The following DNAH5 variants were observed in gnomAD, a reference collection of about 807,000 sequenced individuals.
DNAH5 encodes axonemal beta dynein heavy chain 5.
In DNAH5, 372 loss-of-function variants were observed where a neutral mutation model predicts 518.2. The ratio of observed to expected loss-of-function variants is 0.72; its 90% CI spans 0.66 to 0.78. DNAH5 has a LOEUF of 0.78. Among genes scored for constraint, DNAH5 ranks in the 30% least tolerant of loss-of-function variants. The pLI is 0.00. For synonymous variants in DNAH5, 2,039 were observed against 2,025.9 expected (o/e 1.01, Z -0.17); for missense variants, 5,523 against 5,687.0 (o/e 0.97, Z 0.93).
chr5:13,847,566 T>A (rs1053435100), intron 31 of DNAH5, among the ~76,000 whole-genome samples: 4 of 53,870 alleles, frequency 7.4e-5, no homozygotes, highest in Admixed American at 2.4e-4. Flanking sequence ...CTAAAAAAAA[T>A]GCCAAAAAAT....
In DNAH5 at chr5:13,871,205, C is replaced by T. The variant is rs1445809; in HGVS notation, c.3599-203G>A. ...AAAGTTTGTTTTTACAACAACTCAA[C>T]ACACATTTCAAAATGTTTTTTTAAA... On this transcript the variant is annotated intron_variant, in intron 23 of 78. Transcript: ENST00000265104. Among the ~76,000 whole-genome samples the T allele has an allele frequency of 0.82, 125,202 of 152,158 alleles. 51,822 individuals carry two copies. Among genetic ancestry groups the T allele is most frequent in the East Asian group, 0.88 (4,552 of 5,186 alleles).
Position 13,916,173 on chromosome 5 carries a change from C to G in DNAH5, c.1197+175G>C, listed in dbSNP as rs16902948. ...TTGGGAAATAATGCTTTATGATTTG[C>G]TAGAATCAGCCTCTGACATCAATTT... On this transcript the variant is annotated intron_variant, in intron 9 of 78. Transcript: ENST00000265104. 0.027 allele frequency among the ~76,000 whole-genome samples: 4,168 copies of G among 151,654 alleles called. 150 individuals carry two copies. The highest frequency in any genetic ancestry group is 0.095 in the East Asian group (491 of 5,174).
At chr5:13,881,128 A>G (rs1466504558) in intron 21 of DNAH5, among the ~76,000 whole-genome samples, 1 of 152,044 alleles carries the variant, frequency 6.6e-6, no homozygotes, top group East Asian at 1.9e-4. Flanking sequence ...TACACCCAAC[A>G]TTGGAGCATA....
At position 13,793,959 on chromosome 5, in the gene DNAH5, T is replaced by C. The variant is rs113576049; in HGVS notation, c.7987A>G (p.Ile2663Val). The change falls in exon 48 of 79, where the codon ATA becomes GTA. Residue 2663 changes from isoleucine to valine, a missense_variant. This residue lies in a region of DNAH5 where 5,121 missense variants were observed against 5,223.3 expected (regional missense o/e 0.98). Coordinates refer to ENST00000265104, the MANE Select transcript of DNAH5 (RefSeq NM_001369.3). ...TVFIDDVNMP[I>V]INEWGDQVTN... ...ACCTGATCTCCCCACTCATTGATTATTGGCATATTCACATCATCAATAAAA... is the reference window on the plus strand; with the variant it reads ...ACCTGATCTCCCCACTCATTGATTACTGGCATATTCACATCATCAATAAAA... 4.2e-5 allele frequency: 67 copies of C among 1,614,010 alleles called. No homozygotes were observed. Among genetic ancestry groups the C allele is most frequent in the Middle Eastern group, 3.3e-4 (2 of 6,082 alleles).
intron 40 of DNAH5, among the ~76,000 whole-genome samples, chr5:13,821,383 C>T (rs1312564477): frequency 6.6e-6 from 1 of 150,982 alleles, no homozygotes; most frequent in Non-Finnish European, 1.5e-5. Context: ...GAGTTTCTAT[C>T]TATCAAGGCA....
At chr5:14,006,208 G>A (rs1784715766) in intron 1 of DNAH5, among the ~76,000 whole-genome samples, 1 of 152,170 alleles carries the variant, frequency 6.6e-6, no homozygotes, top group Non-Finnish European at 1.5e-5. Flanking sequence ...TGCCCTTGAG[G>A]CAACCTTGAG....
chr5:13,710,109 C>T (rs895681611), intron 75 of DNAH5, among the ~76,000 whole-genome samples: 6 of 152,034 alleles, frequency 3.9e-5, no homozygotes, highest in East Asian at 1.9e-4. Flanking sequence ...TCTGCAGCTG[C>T]GAGACCCACA....
chr5:13,827,160 G>A (rs552723552), intron 38 of DNAH5, among the ~76,000 whole-genome samples: 13 of 152,164 alleles, frequency 8.5e-5, no homozygotes, highest in South Asian at 2.1e-4. Flanking sequence ...ATTTCTAAGC[G>A]GCAAAGCTTT....
At chr5:13,780,203 G>A (rs1031234479) in intron 53 of DNAH5, among the ~76,000 whole-genome samples, 4 of 152,194 alleles carry the variant, frequency 2.6e-5, no homozygotes, top group African/African-American at 9.7e-5. Flanking sequence ...TCTCCAGGAA[G>A]TCTTTTCTAA....
intron 3 of DNAH5, among the ~76,000 whole-genome samples, chr5:13,927,566 T>A (rs1778016899): frequency 6.6e-6 from 1 of 152,058 alleles, no homozygotes; most frequent in South Asian, 2.1e-4. Flanking sequence ...TTTTCATAAA[T>A]GAGAATGATG....
Position 13,823,971 on chromosome 5 carries a change from A to T in DNAH5, c.6579+228T>A, listed in dbSNP as rs6554818. The stretch of plus-strand genomic sequence containing the variant: ...TGGCATCTTAACATGTGTATTTTTT[A>T]AAATCCACTGCAATTCTATTGGAAT... On this transcript the variant is annotated intron_variant, in intron 39 of 78. Coordinates refer to ENST00000265104, the MANE Select transcript of DNAH5 (RefSeq NM_001369.3). 0.41 allele frequency among the ~76,000 whole-genome samples: 62,707 copies of T among 152,014 alleles called. 13,261 individuals carry two copies. The highest frequency in any genetic ancestry group is 0.61 in the East Asian group (3,158 of 5,168).
In DNAH5 at chr5:13,828,812, C is replaced by T. The variant is rs929725298; in HGVS notation, c.6444+698G>A. Among the ~76,000 whole-genome samples, 7 of 152,274 alleles carry T rather than the reference C, an allele frequency of 4.6e-5. No homozygotes were observed. In the East Asian group the frequency reaches 7.7e-4, roughly 17 times the overall value. ...AGCTCAGAAGTAGATTGTCCCCATT[C>T]GAGCATCAGATGAAACCACAGCCCC... is the stretch of plus-strand genomic sequence containing the variant. On this transcript the variant is annotated intron_variant, in intron 38 of 78. Coordinates refer to ENST00000265104, the MANE Select transcript of DNAH5 (RefSeq NM_001369.3).
Position 13,752,252 on chromosome 5 carries a change from A to T in DNAH5, c.10910T>A (p.Leu3637Gln), listed in dbSNP as rs1750341802. Residue 3637 changes from leucine to glutamine, a missense_variant, in exon 64 of 79, where the codon CTG (leucine) becomes CAG (glutamine). Leu to Gln is a moderately radical substitution (Grantham distance 113, BLOSUM62 -2). Around this residue, in one of 3 missense-constraint regions of DNAH5, gnomAD observed 5,121 missense variants for 5,223.3 expected, o/e 0.98. Coordinates refer to ENST00000265104, the MANE Select transcript of DNAH5 (RefSeq NM_001369.3). Reference sequence around the variant, plus strand: ...CCTTCCAAGAGAAAGGCTGTCTTCCAGGTGGTTTCTGAAGTACTTGTGATT... The same window carrying T: ...CCTTCCAAGAGAAAGGCTGTCTTCCTGGTGGTTTCTGAAGTACTTGTGATT... ...SLNHKYFRNH[L>Q]EDSLSLGRPL... is the part of the protein sequence containing the mutation. 1 of 1,614,056 alleles carries T rather than the reference A, an allele frequency of 6.2e-7. No individual in the cohort carries two copies. The highest frequency in any genetic ancestry group is 8.5e-7 in the Non-Finnish European group (1 of 1,179,956).
intron 70 of DNAH5, among the ~76,000 whole-genome samples, chr5:13,725,666 T>G (rs1033664756): frequency 6.6e-5 from 10 of 152,180 alleles, no homozygotes; most frequent in Admixed American, 2.0e-4. Flanking sequence ...GTTGAGTATT[T>G]TTTTTTTGAG....
intron 47 of DNAH5, among the ~76,000 whole-genome samples, chr5:13,806,747 A>T (rs1454940971): frequency 6.6e-6 from 1 of 152,226 alleles, no homozygotes; most frequent in Non-Finnish European, 1.5e-5. Context: ...GACCAGGAGA[A>T]AAAGAACTAT....
At position 13,944,477 on chromosome 5, in the gene DNAH5, G is replaced by A. The variant is rs779940517; in HGVS notation, c.-39C>T. The A allele has an allele frequency of 6.3e-7, 1 of 1,596,732 alleles. No homozygotes were observed. The highest frequency in any genetic ancestry group is 1.7e-5 in the Admixed American group (1 of 59,902). ...GGACAGGCTGGAGTCAGCTCTTCCGGAATGGTCTTCTAACTCCTGGCAGAC... is the reference window on the plus strand; with the variant it reads ...GGACAGGCTGGAGTCAGCTCTTCCGAAATGGTCTTCTAACTCCTGGCAGAC... On this transcript the variant is annotated 5_prime_UTR_variant, in exon 1 of 79. Transcript: ENST00000265104.
chr5:13,839,585 A>G (rs1764888257), intron 34 of DNAH5, 57 bp from the exon 35 acceptor site: 1 of 1,425,090 alleles, frequency 7.0e-7, no homozygotes, highest in African/African-American at 1.4e-5. Context: ...TTAAATATAC[A>G]CGTTATTAGC....
intron 47 of DNAH5, among the ~76,000 whole-genome samples, chr5:13,802,239 A>G (rs75105370): frequency 0.01 from 1,537 of 152,236 alleles, 31 homozygotes; most frequent in African/African-American, 0.033. Context: ...GTCTACACAC[A>G]TAGGATATCA....
intron 55 of DNAH5, among the ~76,000 whole-genome samples, chr5:13,771,686 A>G (rs182711376): frequency 1.3e-3 from 199 of 152,320 alleles, no homozygotes; most frequent in Non-Finnish European, 1.3e-3. Context: ...GACGGGTGCC[A>G]TGGAATGAAA....
Sources: allele counts gnomAD v4.1 joint callset (sites outside exome capture counted in the v4.1 genomes callset), GRCh38; gene constraint gnomAD v4.1.1; regional missense constraint gnomAD v4.1.1; transcripts MANE v1.5; gene names NCBI Gene and HGNC (gene_info 2026-07-23, HGNC 2026-07-21).